Variants in CACNG8 observed in about 807,000 individuals in gnomAD.
CACNG8 encodes the protein voltage-dependent calcium channel gamma-8 subunit.
Under a neutral mutation model 26.9 loss-of-function variants are expected in CACNG8, and 5 were observed. That is an observed-to-expected ratio of 0.19 (90% CI 0.10 to 0.39). CACNG8 has a LOEUF of 0.39. Ranked by LOEUF, CACNG8 falls within the 10% of genes least tolerant of loss-of-function variation. The pLI, the probability that CACNG8 is intolerant of heterozygous loss-of-function variation, is 1.00. For synonymous variants in CACNG8, 321 were observed against 296.7 expected, an observed-to-expected ratio of 1.08 and a Z score of -0.84; for missense variants, 473 against 609.4, an observed-to-expected ratio of 0.78 and a Z score of 2.36.
In CACNG8 at chr19:53,987,390, G is replaced by T. The variant is rs2069414042; in HGVS notation, c.*4541G>T. The T allele has an allele frequency of 1.3e-5, 2 of 152,398 alleles. No individual in the cohort carries two copies. Among genetic ancestry groups the T allele is most frequent in the Admixed American group, 1.3e-4 (2 of 15,266 alleles). 9.4% of individuals were successfully genotyped at this position (152,398 alleles called of 1,614,324 possible). A position where few individuals can be genotyped will look rare whatever the true frequency, so the allele number is the denominator to read the frequency against. On this transcript the variant is annotated 3_prime_UTR_variant, in exon 4 of 4. Coordinates refer to ENST00000270458, the MANE Select transcript of CACNG8 (RefSeq NM_031895.6). ...CGGCCTCATATTTTTATTTAAACAA[G>T]AACAGCAGAATTACATTGCTGTGCT...
intron 1 of CACNG8, 105 bp from the exon 2 acceptor site, chr19:53,978,039 CAG>C: frequency 1.4e-6 from 1 of 729,944 alleles, no homozygotes; most frequent in South Asian, 1.6e-5. Context: ...CCAAGCAGCC[CAG>C]AGAGAGAAGG....
rs541730751 is a variant in CACNG8 at position 53,986,913 on chromosome 19, C to A, written c.*4064C>A. The A allele has an allele frequency of 1.3e-5, 2 of 152,228 alleles. No individual in the cohort carries two copies. The highest frequency in any genetic ancestry group is 3.8e-4 in the East Asian group (2 of 5,196). 9.4% of individuals were successfully genotyped at this position (152,228 alleles called of 1,614,324 possible). On this transcript the variant is annotated 3_prime_UTR_variant, in exon 4 of 4. Coordinates refer to ENST00000270458, the MANE Select transcript of CACNG8 (RefSeq NM_031895.6). ...TAGCAGGTCTTCGAGGAGGCCTGTGCGGTGAGCAGATCCACCATAGGACAG... is the reference window on the plus strand; with the variant it reads ...TAGCAGGTCTTCGAGGAGGCCTGTGAGGTGAGCAGATCCACCATAGGACAG...
At position 53,989,768 on chromosome 19, in the gene CACNG8, A is replaced by G. The variant is rs2069430086; in HGVS notation, c.*6919A>G. On this transcript the variant is annotated 3_prime_UTR_variant, in exon 4 of 4. Coordinates refer to ENST00000270458, the MANE Select transcript of CACNG8 (RefSeq NM_031895.6). Reference sequence around the variant, plus strand: ...ATTCATCCATCCATTCATTCAAGTCACCCCATGCACATTTTCCAAGACTGC... The same window carrying G: ...ATTCATCCATCCATTCATTCAAGTCGCCCCATGCACATTTTCCAAGACTGC... 1 of 152,166 alleles carries G rather than the reference A, an allele frequency of 6.6e-6. No individual in the cohort carries two copies. The highest frequency in any genetic ancestry group is 2.4e-5 in the African/African-American group (1 of 41,358). The allele number at this position is 152,166 out of a possible 1,614,324, so 9.4% of individuals were successfully genotyped here.
intron 1 of CACNG8, among the ~76,000 whole-genome samples, chr19:53,968,502 G>A (rs1295844716): frequency 2.0e-5 from 3 of 152,010 alleles, no homozygotes; most frequent in African/African-American, 4.8e-5. Context: ...GGGCGCGGTG[G>A]CTCACGCCTG....
chr19:53,977,685 T>C (rs2069337971), intron 1 of CACNG8, among the ~76,000 whole-genome samples: 1 of 152,220 alleles, frequency 6.6e-6, no homozygotes, highest in Admixed American at 6.5e-5. Context: ...TCATGGGAAA[T>C]GTAGTCCTCA....
chr19:53,981,923 C>A (rs1236110124), intron 3 of CACNG8, among the ~76,000 whole-genome samples, 157 bp from the exon 4 acceptor site: 1 of 150,618 alleles, frequency 6.6e-6, no homozygotes, highest in Non-Finnish European at 1.5e-5. Flanking sequence ...TTGGGTCAGC[C>A]AGATCCAGGA....
Position 53,988,248 on chromosome 19 carries a change from CAGAA to C in CACNG8, c.*5400_*5403del, listed in dbSNP as rs1477420594. On this transcript the variant is annotated 3_prime_UTR_variant, in exon 4 of 4. Transcript: ENST00000270458. ...GGGGAGAGAGAATTTGGGGGGAAGACAGAAGGAAAGGGAATTCAGGCAAGTGTGT... is the reference window on the plus strand; with the variant it reads ...GGGGAGAGAGAATTTGGGGGGAAGACGGAAAGGGAATTCAGGCAAGTGTGT... The C allele has an allele frequency of 2.0e-5, 3 of 148,962 alleles. No individual in the cohort carries two copies. Among genetic ancestry groups the C allele is most frequent in the Non-Finnish European group, 4.4e-5 (3 of 68,176 alleles). The allele number at this position is 148,962 out of a possible 1,614,324, so 9.2% of individuals were successfully genotyped here. A position where few individuals can be genotyped will look rare whatever the true frequency, so the allele number is the denominator to read the frequency against.
rs773734452 is a variant in CACNG8 at position 53,980,085 on chromosome 19, T to TGTGTGCGCGC, written c.508+79_508+80insTGTGCGCGCG. The TGTGTGCGCGC allele has an allele frequency of 4.9e-6, 5 of 1,012,296 alleles. No homozygotes were observed. The East Asian group carries it at 1.1e-4, about 22-fold the overall frequency. The allele number at this position is 1,012,296 out of a possible 1,614,324, so 62.7% of individuals were successfully genotyped here. ...GTGTGTGTGTGTGTGTGTGTGTGTG[T>TGTGTGCGCGC]GCGCGCGCGCGCGTGAGTGCAAGTG... On this transcript the variant is annotated intron_variant, in intron 3 of 3. Coordinates refer to ENST00000270458, the MANE Select transcript of CACNG8 (RefSeq NM_031895.6).
intron 1 of CACNG8, among the ~76,000 whole-genome samples, chr19:53,970,931 CAAAAA>C (rs34478690): frequency 1.0e-5 from 1 of 96,654 alleles, no homozygotes. Flanking sequence ...GACCCTATCT[CAAAAA>C]AAAAAAAAAA....
intron 1 of CACNG8, among the ~76,000 whole-genome samples, chr19:53,969,234 C>T (rs2069288225): frequency 6.6e-6 from 1 of 152,044 alleles, no homozygotes; most frequent in Non-Finnish European, 1.5e-5. Flanking sequence ...AAACTCCGGC[C>T]TCAGGTGATC....
Position 53,986,043 on chromosome 19 carries a change from CACAG to C in CACNG8, c.*3200_*3203del, listed in dbSNP as rs945678835. The C allele has an allele frequency of 4.0e-5, 6 of 151,840 alleles. No homozygotes were observed. Among genetic ancestry groups the C allele is most frequent in the African/African-American group, 1.5e-4 (6 of 41,168 alleles). The allele number at this position is 151,840 out of a possible 1,614,324, so 9.4% of individuals were successfully genotyped here. Reference sequence around the variant, plus strand: ...GCAGGAGAGACCAAACTAGTAGAGTCACAGACAGAGAAAAAGTCAAAGACAGGAA... The same window carrying C: ...GCAGGAGAGACCAAACTAGTAGAGTCACAGAGAAAAAGTCAAAGACAGGAA... On this transcript the variant is annotated 3_prime_UTR_variant, in exon 4 of 4. Transcript: ENST00000270458.
At chr19:53,978,317 G>A in intron 2 of CACNG8, 88 bp downstream of exon 2, 1 of 973,524 alleles carries the variant, frequency 1.0e-6, no homozygotes, top group Non-Finnish European at 1.6e-6. Context: ...AAAGGCACTG[G>A]GACTCCGGCA....
rs753301289 is a variant in CACNG8, at chr19:53,978,186, G to A, written c.324G>A (p.Pro108=). The change falls in exon 2 of 4, where the codon CCG becomes CCA. Residue 108 remains proline (P), a synonymous_variant. Coordinates refer to ENST00000270458, the MANE Select transcript of CACNG8 (RefSeq NM_031895.6). ...TCTGCGTGAAGATCAATCATTTCCC[G>A]GAGGACACGGACTACGACCACGACA... 3.1e-6 allele frequency: 5 copies of A among 1,611,024 alleles called. No homozygotes were observed. The African/African-American group carries it at 4.0e-5, about 13-fold the overall frequency.
In CACNG8 at chr19:53,985,306, C is replaced by T. The variant is rs1364817777; in HGVS notation, c.*2457C>T. 8.2e-6 allele frequency: 1 copy of T among 121,468 alleles called. No individual in the cohort carries two copies. The highest frequency in any genetic ancestry group is 1.8e-5 in the Non-Finnish European group (1 of 57,008). The allele number at this position is 121,468 out of a possible 1,614,324, so 7.5% of individuals were successfully genotyped here. A position where few individuals can be genotyped will look rare whatever the true frequency, so the allele number is the denominator to read the frequency against. On this transcript the variant is annotated 3_prime_UTR_variant, in exon 4 of 4. Transcript: ENST00000270458. ...AGCGGTGGTGCCATGCTGCCAGGGG[C>T]TCTGCGTGCCCTTCTCTTGACGGAA...
rs1318865495 is a variant in CACNG8 at position 53,982,145 on chromosome 19, C to G, written c.574C>G (p.Arg192Gly). ...CAACGCGGGCGAGCCGGGCCCGAAGCGGGACGAGGAGAAGAAAAACCACTA... is the reference window on the plus strand; with the variant it reads ...CAACGCGGGCGAGCCGGGCCCGAAGGGGGACGAGGAGAAGAAAAACCACTA... Residue 192 changes from arginine (R) to glycine (G), a missense_variant, in exon 4 of 4, where the codon CGG becomes GGG. Arg to Gly is a moderately radical substitution (Grantham distance 125, BLOSUM62 -2). Coordinates refer to ENST00000270458, the MANE Select transcript of CACNG8 (RefSeq NM_031895.6). The surrounding 1 kb of genome is among the most constrained non-coding windows in gnomAD (Gnocchi z 8.4). 1 of 1,611,760 alleles carries G rather than the reference C, an allele frequency of 6.2e-7. No individual in the cohort carries two copies. The highest frequency in any genetic ancestry group is 8.5e-7 in the Non-Finnish European group (1 of 1,179,016).
intron 1 of CACNG8, among the ~76,000 whole-genome samples, chr19:53,966,236 T>C (rs1174914413): frequency 6.6e-6 from 1 of 151,544 alleles, no homozygotes; most frequent in African/African-American, 2.4e-5. Context: ...CACAGGTGTG[T>C]GCCACCATGC....
At position 53,982,909 on chromosome 19, in the gene CACNG8, G is replaced by A. The variant is rs2069382866; in HGVS notation, c.*60G>A. 8.7e-7 allele frequency: 1 copy of A among 1,147,022 alleles called. No homozygotes were observed. The highest frequency in any genetic ancestry group is 3.0e-5 in the South Asian group (1 of 33,048). 71.1% of individuals were successfully genotyped at this position (1,147,022 alleles called of 1,614,324 possible). On this transcript the variant is annotated 3_prime_UTR_variant, in exon 4 of 4. Coordinates refer to ENST00000270458, the MANE Select transcript of CACNG8 (RefSeq NM_031895.6). This position sits in a 1 kb window ranked among gnomAD's most constrained non-coding sequence, Gnocchi z 8.4. ...GCGCGTGCGCGGGCGCGCGTGCATC[G>A]AGGCTGCCGGGGTCGGGGGCGCCCC...
chr19:53,969,783 C>T (rs541481053), intron 1 of CACNG8, among the ~76,000 whole-genome samples: 81 of 152,260 alleles, frequency 5.3e-4, no homozygotes, highest in African/African-American at 1.3e-3. Flanking sequence ...GAAACAAGCT[C>T]GGAGGCTGCT....
chr19:53,980,987 G>A (rs1205853943), intron 3 of CACNG8, among the ~76,000 whole-genome samples: 2 of 151,894 alleles, frequency 1.3e-5, no homozygotes, highest in Non-Finnish European at 2.9e-5. Flanking sequence ...AGCTGGACCT[G>A]AGACCGGCAA....
Sources: allele counts gnomAD v4.1 joint callset (sites outside exome capture counted in the v4.1 genomes callset), GRCh38; gene constraint gnomAD v4.1.1; non-coding constraint Gnocchi (gnomAD v3.1); transcripts MANE v1.5; gene names NCBI Gene and HGNC (gene_info 2026-07-23, HGNC 2026-07-21).